The following VPS13B variants were observed in gnomAD, a reference collection of about 807,000 sequenced individuals.
VPS13B encodes the protein intermembrane lipid transfer protein VPS13B.
In VPS13B, 285 loss-of-function variants were observed where a neutral mutation model predicts 426.4. The ratio of observed to expected loss-of-function variants is 0.67; its 90% CI spans 0.61 to 0.74. The LOEUF (loss-of-function observed/expected upper bound fraction) is 0.74, where lower values mean the gene tolerates loss of function less well. VPS13B is among the 30% of genes least tolerant of loss of function. VPS13B has a pLI of 0.00. For synonymous variants in VPS13B, 1,676 were observed against 1,676.4 expected (o/e 1.00, Z 0.01); for missense variants, 4,537 against 4,782.6 (o/e 0.95, Z 1.51).
chr8:99,628,620 A>C (rs1828710773), intron 33 of VPS13B, among the ~76,000 whole-genome samples: 1 of 152,190 alleles, frequency 6.6e-6, no homozygotes, highest in Non-Finnish European at 1.5e-5. Flanking sequence ...GTGGACAACC[A>C]CAACAACAAA....
chr8:99,194,730 A>G (rs1265603474), intron 17 of VPS13B, among the ~76,000 whole-genome samples: 1 of 152,210 alleles, frequency 6.6e-6, no homozygotes, highest in Non-Finnish European at 1.5e-5. Flanking sequence ...GGCTGTGCAG[A>G]TATCTCTCTA....
intron 30 of VPS13B, chr8:99,527,993 T>A (rs1011981524): frequency 6.6e-6 from 1 of 152,110 alleles, no homozygotes. Flanking sequence ...TTAGAAGCTT[T>A]ATGTTGTGCA....
At chr8:99,857,476 C>G (rs1418564402) in intron 56 of VPS13B, among the ~76,000 whole-genome samples, 2 of 152,176 alleles carry the variant, frequency 1.3e-5, no homozygotes, top group Non-Finnish European at 2.9e-5. Context: ...CAGAGAAGGC[C>G]CTCCATGGAG....
chr8:99,122,502 C>T (rs574550872), intron 8 of VPS13B, among the ~76,000 whole-genome samples: 26 of 152,174 alleles, frequency 1.7e-4, no homozygotes, highest in African/African-American at 6.0e-4. Context: ...ATATAAAATT[C>T]CTAGTAGCTT....
chr8:99,202,548 G>C (rs1814393559), intron 17 of VPS13B, among the ~76,000 whole-genome samples: 1 of 152,118 alleles, frequency 6.6e-6, no homozygotes. Flanking sequence ...AATTAAGGCA[G>C]TAATTAACAG....
intron 3 of VPS13B, among the ~76,000 whole-genome samples, chr8:99,085,935 C>A (rs1845756797): frequency 6.6e-6 from 1 of 152,028 alleles, no homozygotes; most frequent in Non-Finnish European, 1.5e-5. Context: ...CTTGGAGCAA[C>A]AATTATGTTG....
chr8:99,524,647 A>G (rs561720277), intron 30 of VPS13B, among the ~76,000 whole-genome samples: 1 of 152,272 alleles, frequency 6.6e-6, no homozygotes, highest in South Asian at 2.1e-4. Context: ...CTTAAAACTT[A>G]GTCAGGTGTG....
At chr8:99,361,237 C>T (rs956131585) in intron 19 of VPS13B, among the ~76,000 whole-genome samples, 38 of 152,154 alleles carry the variant, frequency 2.5e-4, no homozygotes, top group African/African-American at 8.7e-4. Flanking sequence ...TAGACACTCA[C>T]CTGCATTATT....
At chr8:99,494,502 T>G (rs986602771) in intron 25 of VPS13B, among the ~76,000 whole-genome samples, 1 of 152,156 alleles carries the variant, frequency 6.6e-6, no homozygotes, top group East Asian at 1.9e-4. Context: ...ATTGTTTGCT[T>G]TTAATGCATA....
intron 33 of VPS13B, among the ~76,000 whole-genome samples, chr8:99,611,413 G>A (rs1827839577): frequency 1.3e-5 from 2 of 152,002 alleles, no homozygotes; most frequent in Non-Finnish European, 2.9e-5. Context: ...ATTATTAATA[G>A]TGATGAAAAT....
chr8:99,695,813 A>T (rs1318333591), intron 35 of VPS13B: 1 of 151,900 alleles, frequency 6.6e-6, no homozygotes, highest in East Asian at 1.9e-4. Flanking sequence ...GGTATCCAGG[A>T]GCGAAGCCAA....
chr8:99,363,864 G>A (rs1427326459), intron 19 of VPS13B, among the ~76,000 whole-genome samples: 3 of 151,988 alleles, frequency 2.0e-5, no homozygotes, highest in Non-Finnish European at 4.4e-5. Context: ...AGTTTTTTTG[G>A]TGGAGTCCTT....
At chr8:99,155,048 G>A (rs1811285045) in intron 14 of VPS13B, among the ~76,000 whole-genome samples, 1 of 151,904 alleles carries the variant, frequency 6.6e-6, no homozygotes, top group South Asian at 2.1e-4. Context: ...AAAGGTGGAA[G>A]ATTTCCAAAG....
intron 19 of VPS13B, chr8:99,347,980 T>C (rs1388016363): frequency 2.0e-5 from 3 of 152,370 alleles, no homozygotes; most frequent in East Asian, 3.8e-4. Flanking sequence ...GTGGATGATA[T>C]GGCCATTTGG....
intron 30 of VPS13B, among the ~76,000 whole-genome samples, chr8:99,530,559 A>C (rs1396178632): frequency 6.6e-6 from 1 of 151,240 alleles, no homozygotes; most frequent in Non-Finnish European, 1.5e-5. Flanking sequence ...GGTTGCAGTG[A>C]GCCGAGATCA....
At chr8:99,478,455 TTTTTTTTTTTG>T (rs1819841239) in intron 24 of VPS13B, among the ~76,000 whole-genome samples, 2 of 134,208 alleles carry the variant, frequency 1.5e-5, no homozygotes, top group African/African-American at 2.9e-5. Context: ...TTGTTTTTTT[TTTTTTTTTTTG>T]TTTTTTGTTT....
At chr8:99,376,609 T>C (rs1168012877) in intron 19 of VPS13B, among the ~76,000 whole-genome samples, 2 of 152,158 alleles carry the variant, frequency 1.3e-5, no homozygotes, top group African/African-American at 4.8e-5. Flanking sequence ...CTCTAAAATC[T>C]CAAATAAAAT....
intron 17 of VPS13B, among the ~76,000 whole-genome samples, chr8:99,251,312 C>T (rs938318628): frequency 6.6e-6 from 1 of 152,032 alleles, no homozygotes; most frequent in Non-Finnish European, 1.5e-5. Flanking sequence ...GATGATCTTT[C>T]TTAGGAAGTT....
chr8:99,085,382 A>G (rs933552512), intron 3 of VPS13B, among the ~76,000 whole-genome samples: 1 of 152,174 alleles, frequency 6.6e-6, no homozygotes, highest in African/African-American at 2.4e-5. Context: ...AATACAGCAC[A>G]CTTAATGGTT....
Sources: gnomAD v4.1 joint callset for allele counts (sites outside exome capture counted in the v4.1 genomes callset) on GRCh38, gnomAD v4.1.1 for gene constraint, MANE v1.5 for transcripts, NCBI Gene and HGNC (gene_info 2026-07-23, HGNC 2026-07-21) for gene names.